Variants in NOMO2 observed in about 807,000 individuals in gnomAD.
NOMO2 encodes the protein BOS complex subunit NOMO2.
Under a neutral mutation model 67.1 loss-of-function variants are expected in NOMO2, and 14 were observed. The observed-to-expected ratio is 0.21, with a 90% CI of 0.14 to 0.33. NOMO2 has a LOEUF of 0.33. Among genes scored for constraint, NOMO2 ranks in the 10% least tolerant of loss-of-function variants. The pLI, the probability that NOMO2 is intolerant of heterozygous loss-of-function variation, is 1.00. For missense variants in NOMO2, 178 were observed against 761.0 expected, an observed-to-expected ratio of 0.23 and a Z score of 9.01; for synonymous variants, 80 against 305.9, an observed-to-expected ratio of 0.26 and a Z score of 7.71.
chr16:18,531,371 A>G lies in NOMO2; in HGVS notation c.1537+95T>C, dbSNP rs1901293839. On this transcript the variant is annotated intron_variant, in intron 13 of 30. Transcript: ENST00000622306. ...CCCTCGCACGCAGGTGATCAGTAGC[A>G]AACAACAAAGGCAAAAGGAAAAGTT... is the stretch of plus-strand genomic sequence containing the variant. The G allele has an allele frequency of 1.9e-6, 3 of 1,606,660 alleles. No homozygotes were observed. In the East Asian group the frequency reaches 6.7e-5, roughly 36 times the overall value.
Position 18,542,217 on chromosome 16 carries a change from A to G in NOMO2, c.918T>C (p.Pro306=), listed in dbSNP as rs2141736930. ...RGERITFDVA[P]SRLDFTVEHD... is the part of the protein sequence containing the mutation. ...GCTCCACTGTGAAGTCAAGTCTGGA[A>G]GGCGCCACATCAAAGGTAATCCTCT... Residue 306 remains proline, a synonymous_variant, in exon 9 of 31, where the codon CCT becomes CCC. Transcript: ENST00000622306. 1 of 551,144 alleles carries G rather than the reference A, an allele frequency of 1.8e-6. No individual in the cohort carries two copies. The highest frequency in any genetic ancestry group is 2.9e-5 in the East Asian group (1 of 34,374). The allele number at this position is 551,144 out of a possible 1,614,324, so 34.1% of individuals were successfully genotyped here. A position where few individuals can be genotyped will look rare whatever the true frequency, so the allele number is the denominator to read the frequency against.
chr16:18,553,704 T>G (rs1596861165), intron 3 of NOMO2, among the ~76,000 whole-genome samples: 1 of 102,358 alleles, frequency 9.8e-6, no homozygotes, highest in East Asian at 2.9e-4. Context: ...GCGTGGGGGG[T>G]GGCAAACACA....
Position 18,538,600 on chromosome 16 carries a change from CTCTT to C in NOMO2, c.1142_1145del (p.Lys381SerfsTer45), listed in dbSNP as rs1380848180. On this transcript the variant is annotated frameshift_variant, in exon 11 of 31. Transcript: ENST00000622306. LOFTEE classifies it high-confidence loss of function. The stretch of plus-strand genomic sequence containing the variant: ...TGGTGACCGTTTCAAAGTAGAGGTG[CTCTT>C]TCTGAGCATGGATGGTGTATGTCCC... 1.2e-6 allele frequency: 2 copies of C among 1,612,916 alleles called. No homozygotes were observed. The highest frequency in any genetic ancestry group is 2.7e-5 in the African/African-American group (2 of 74,792).
rs13337294 is a variant in NOMO2, at chr16:18,560,789, A to C, written c.165+1087T>G. 9.6e-3 allele frequency among the ~76,000 whole-genome samples: 1,447 copies of C among 150,724 alleles called. 26 individuals carry two copies. Among genetic ancestry groups the C allele is most frequent in the African/African-American group, 0.032 (1,308 of 40,916 alleles). ...TGATGGGGTGTGGAACTGACTCCCT[A>C]CCCCTCCCCCAATCCTCAGCAGCCC... On this transcript the variant is annotated intron_variant, in intron 1 of 30. Coordinates refer to ENST00000622306, the MANE Select transcript of NOMO2 (RefSeq NM_173614.4).
rs369840562 is a variant in NOMO2, at chr16:18,543,677, A to G, written c.675T>C (p.Ser225=). The G allele has an allele frequency of 2.5e-6, 4 of 1,611,502 alleles. No homozygotes were observed. Among genetic ancestry groups the G allele is most frequent in the Non-Finnish European group, 3.4e-6 (4 of 1,179,766 alleles). The change falls in exon 7 of 31, where the codon AGT becomes AGC. Residue 225 remains serine (S), a synonymous_variant. Coordinates refer to ENST00000622306, the MANE Select transcript of NOMO2 (RefSeq NM_173614.4). ...TCACCCCTTTCATGGGCTCCCCATC[A>G]CTTCGGACAGAGCCAGACACATTGT... is the stretch of plus-strand genomic sequence containing the variant. ...AGYNVSGSVR[S]DGEPMKGVKF...
At chr16:18,536,135 G>C (rs1326419221) in intron 11 of NOMO2, among the ~76,000 whole-genome samples, 4 of 152,042 alleles carry the variant, frequency 2.6e-5, no homozygotes, top group Admixed American at 2.6e-4. Context: ...ACTGCATTAG[G>C]GAGCAAAGCC....
chr16:18,539,682 G>A (rs1467352976), intron 9 of NOMO2, among the ~76,000 whole-genome samples: 7 of 151,796 alleles, frequency 4.6e-5, no homozygotes, highest in African/African-American at 7.2e-5. Flanking sequence ...GCTTCAACTC[G>A]GGATGCGGAG....
chr16:18,533,257 C>T, intron 11 of NOMO2, 78 bp from the exon 12 acceptor site: 2 of 1,478,126 alleles, frequency 1.4e-6, no homozygotes, highest in Non-Finnish European at 1.9e-6. Flanking sequence ...AAAAAAGATG[C>T]AGCCCTCTCC....
rs1002208471 is a variant in NOMO2 at position 18,544,702 on chromosome 16, T to C, written c.583-933A>G. On this transcript the variant is annotated intron_variant, in intron 6 of 30. Coordinates refer to ENST00000622306, the MANE Select transcript of NOMO2 (RefSeq NM_173614.4). Reference sequence around the variant, plus strand: ...ATTCTGGCTCAGGGGGCTGCCCAATTGACAAATTGTTCTATGCTCAATTAA... The same window carrying C: ...ATTCTGGCTCAGGGGGCTGCCCAATCGACAAATTGTTCTATGCTCAATTAA... 2.0e-5 allele frequency among the ~76,000 whole-genome samples: 3 copies of C among 152,082 alleles called. No individual in the cohort carries two copies. The East Asian group carries it at 5.8e-4, about 29-fold the overall frequency.
intron 5 of NOMO2, among the ~76,000 whole-genome samples, chr16:18,548,019 G>C (rs1431038979): frequency 7.6e-6 from 1 of 132,058 alleles, no homozygotes; most frequent in African/African-American, 2.5e-5. Context: ...AAATGAGAAG[G>C]CTAAGTCCGG....
At chr16:18,544,478 G>A (rs1901621763) in intron 6 of NOMO2, among the ~76,000 whole-genome samples, 1 of 152,140 alleles carries the variant, frequency 6.6e-6, no homozygotes, top group African/African-American at 2.4e-5. Context: ...GTGTTGCCAA[G>A]TCTCACCCAA....
intron 3 of NOMO2, among the ~76,000 whole-genome samples, chr16:18,553,839 A>G (rs1489971865): frequency 7.2e-6 from 1 of 139,600 alleles, no homozygotes; most frequent in Non-Finnish European, 1.6e-5. Context: ...AAACTGATAA[A>G]AGAGCTGCTC....
At chr16:18,535,298 C>A (rs964687244) in intron 11 of NOMO2, among the ~76,000 whole-genome samples, 1 of 150,920 alleles carries the variant, frequency 6.6e-6, no homozygotes, top group Non-Finnish European at 1.5e-5. Context: ...GCCTGGGCAA[C>A]GGAGTAAGAC....
chr16:18,559,191 T>C (rs1248548766), intron 1 of NOMO2, among the ~76,000 whole-genome samples: 2 of 151,890 alleles, frequency 1.3e-5, no homozygotes, highest in Non-Finnish European at 2.9e-5. Flanking sequence ...ATAAGTAAAA[T>C]GGAAAAAGCA....
At chr16:18,555,702 G>A (rs1901888820) in intron 2 of NOMO2, among the ~76,000 whole-genome samples, 1 of 134,458 alleles carries the variant, frequency 7.4e-6, no homozygotes, top group Non-Finnish European at 1.6e-5. Flanking sequence ...TCCGTCTCCT[G>A]GGTTCAAGCG....
Position 18,559,516 on chromosome 16 carries a change from G to A in NOMO2, c.166-1725C>T, listed in dbSNP as rs553385832. 2.6e-4 allele frequency among the ~76,000 whole-genome samples: 40 copies of A among 152,112 alleles called. 2 individuals are homozygous for A. In the East Asian group the frequency reaches 5.7e-3, roughly 22 times the overall value. ...ACGAACATTTGAACATTTGGGAAAG[G>A]ACTCGTGTGAAATAAGGTTAAGCCT... On this transcript the variant is annotated intron_variant, in intron 1 of 30. Coordinates refer to ENST00000622306, the MANE Select transcript of NOMO2 (RefSeq NM_173614.4).
intron 11 of NOMO2, among the ~76,000 whole-genome samples, chr16:18,535,972 A>G (rs1901413066): frequency 6.6e-6 from 1 of 151,842 alleles, no homozygotes; most frequent in African/African-American, 2.4e-5. Context: ...AACCTTTTGT[A>G]TCTTTAGTAC....
At chr16:18,560,238 G>A (rs953741447) in intron 1 of NOMO2, among the ~76,000 whole-genome samples, 2 of 151,846 alleles carry the variant, frequency 1.3e-5, no homozygotes, top group Non-Finnish European at 2.9e-5. Flanking sequence ...AATTACTTAC[G>A]AAAGAATGAG....
chr16:18,548,351 A>C (rs1402190370), intron 5 of NOMO2, among the ~76,000 whole-genome samples: 1 of 151,732 alleles, frequency 6.6e-6, no homozygotes, highest in Non-Finnish European at 1.5e-5. Flanking sequence ...GCAGAAGTAA[A>C]TGTTATTTCA....
Sources: gnomAD v4.1 joint callset for allele counts (sites outside exome capture counted in the v4.1 genomes callset) on GRCh38, gnomAD v4.1.1 for gene constraint, MANE v1.5 for transcripts, NCBI Gene and HGNC (gene_info 2026-07-23, HGNC 2026-07-21) for gene names.